The following CNTN6 variants were observed in gnomAD, a reference collection of about 807,000 sequenced individuals.
CNTN6 encodes the protein contactin-6.
Under a neutral mutation model 122.8 loss-of-function variants are expected in CNTN6, and 137 were observed. That is an observed-to-expected ratio of 1.12 (90% confidence interval 0.97 to 1.29). CNTN6 has a LOEUF of 1.29. CNTN6 is among the 50% of genes most tolerant of loss of function. CNTN6 has a pLI of 0.00. For missense variants in CNTN6, 1,634 were observed against 1,223.4 expected (o/e 1.34, Z -5.01); for synonymous variants, 570 against 426.0 (o/e 1.34, Z -4.16).
At chr3:1,275,917 T>C (rs1692268289) in intron 4 of CNTN6, among the ~76,000 whole-genome samples, 1 of 152,206 alleles carries the variant, frequency 6.6e-6, no homozygotes, top group South Asian at 2.1e-4. Context: ...GGATTGGAGA[T>C]CCCTGTTTTA....
At chr3:1,153,829 A>G (rs2092902433) in intron 2 of CNTN6, among the ~76,000 whole-genome samples, 1 of 152,194 alleles carries the variant, frequency 6.6e-6, no homozygotes, top group Non-Finnish European at 1.5e-5. Flanking sequence ...AAATCCATGA[A>G]AATTGGCAGG....
At chr3:1,386,357 C>G (rs957955668) in intron 20 of CNTN6, among the ~76,000 whole-genome samples, 4 of 152,162 alleles carry the variant, frequency 2.6e-5, no homozygotes, top group Non-Finnish European at 5.9e-5. Flanking sequence ...CTTATTACTA[C>G]AGCTTACTTG....
intron 11 of CNTN6, among the ~76,000 whole-genome samples, chr3:1,337,623 A>G (rs1393245485): frequency 6.6e-6 from 1 of 152,132 alleles, no homozygotes; most frequent in Admixed American, 6.6e-5. Flanking sequence ...CAGGCAAATG[A>G]ACCATATGTT....
chr3:1,160,351 T>C (rs1285554260), intron 2 of CNTN6, among the ~76,000 whole-genome samples: 1 of 93,792 alleles, frequency 1.1e-5, no homozygotes, highest in African/African-American at 5.4e-5. Context: ...ACTGTATATA[T>C]ATATATATAT....
chr3:1,104,269 A>G (rs544434066), intron 1 of CNTN6, among the ~76,000 whole-genome samples: 109 of 152,270 alleles, frequency 7.2e-4, no homozygotes, highest in Middle Eastern at 6.8e-3. Context: ...TTAGTAAAGT[A>G]AACTTGCATA....
At chr3:1,312,170 A>G (rs1344545528) in intron 7 of CNTN6, among the ~76,000 whole-genome samples, 2 of 151,908 alleles carry the variant, frequency 1.3e-5, no homozygotes, top group Admixed American at 6.6e-5. Flanking sequence ...GCCTCTTTTA[A>G]TCTTAAAGAC....
At chr3:1,244,428 A>G (rs1442389750) in intron 4 of CNTN6, among the ~76,000 whole-genome samples, 1 of 140,208 alleles carries the variant, frequency 7.1e-6, no homozygotes, top group Non-Finnish European at 1.5e-5. Flanking sequence ...GGTGAAGGAG[A>G]AGGGGTTGAG....
Position 1,161,423 on chromosome 3 carries a change from A to G in CNTN6, c.55+13360A>G, listed in dbSNP as rs535262392. Among the ~76,000 whole-genome samples, 482 of 151,142 alleles carry G rather than the reference A, an allele frequency of 3.2e-3. 1 individual carries two copies. The highest frequency in any genetic ancestry group is 4.3e-3 in the Non-Finnish European group (292 of 67,796). ...TAGCAAAAGCCTTCTATGAAAATCA[A>G]TTGACTTATGGAATTTGTAATTAAT... On this transcript the variant is annotated intron_variant, in intron 2 of 22. Transcript: ENST00000446702.
At chr3:1,344,295 C>T (rs1287183963) in intron 11 of CNTN6, among the ~76,000 whole-genome samples, 1 of 152,108 alleles carries the variant, frequency 6.6e-6, no homozygotes, top group Non-Finnish European at 1.5e-5. Context: ...AAGCCATAGT[C>T]ACATCATTGG....
intron 4 of CNTN6, among the ~76,000 whole-genome samples, chr3:1,274,326 A>G (rs1249397507): frequency 1.3e-5 from 2 of 152,314 alleles, no homozygotes; most frequent in African/African-American, 2.4e-5. Flanking sequence ...TGGCCAAAGA[A>G]GAAAGGAAGC....
chr3:1,225,206 G>A (rs896059497), intron 3 of CNTN6, among the ~76,000 whole-genome samples: 4 of 152,190 alleles, frequency 2.6e-5, no homozygotes, highest in Admixed American at 2.6e-4. Flanking sequence ...TTCCTAGGTT[G>A]CATCATAGGA....
chr3:1,112,601 G>T (rs1233520118), intron 1 of CNTN6, among the ~76,000 whole-genome samples: 1 of 152,124 alleles, frequency 6.6e-6, no homozygotes, highest in African/African-American at 2.4e-5. Context: ...TGATAGGATT[G>T]TGCCCACCCA....
chr3:1,367,670 C>T (rs1452507001), intron 12 of CNTN6, among the ~76,000 whole-genome samples: 3 of 152,026 alleles, frequency 2.0e-5, no homozygotes, highest in South Asian at 2.1e-4. Context: ...GCTTAAAGAC[C>T]CAGCAGTCGG....
chr3:1,220,456 G>T (rs1242018764), intron 2 of CNTN6, among the ~76,000 whole-genome samples: 2 of 152,092 alleles, frequency 1.3e-5, no homozygotes, highest in East Asian at 3.9e-4. Context: ...GGTTTTGGGG[G>T]TGTTATGCCC....
intron 2 of CNTN6, among the ~76,000 whole-genome samples, chr3:1,214,529 C>A (rs7640879): frequency 0.27 from 40,679 of 151,424 alleles, 7,403 homozygotes; most frequent in African/African-American, 0.52. Flanking sequence ...AGGCTGGTCT[C>A]AAACTCCTAA....
At chr3:1,109,907 A>G (rs2091401372) in intron 1 of CNTN6, among the ~76,000 whole-genome samples, 1 of 152,004 alleles carries the variant, frequency 6.6e-6, no homozygotes, top group South Asian at 2.1e-4. Flanking sequence ...GTCTTTAATT[A>G]TTTTTACATA....
intron 4 of CNTN6, among the ~76,000 whole-genome samples, chr3:1,266,445 T>G (rs1316353257): frequency 6.6e-6 from 1 of 152,146 alleles, no homozygotes; most frequent in Non-Finnish European, 1.5e-5. Context: ...AAATCTCTGG[T>G]AAACTCAGAG....
At chr3:1,399,692 G>A (rs9875177) in intron 20 of CNTN6, among the ~76,000 whole-genome samples, 82,613 of 151,780 alleles carry the variant, frequency 0.54, 23,285 homozygotes, top group African/African-American at 0.68. Flanking sequence ...TCACCACAGG[G>A]CCCTGAACAG....
In CNTN6 at chr3:1,352,339, G is replaced by A. The variant is rs1705769170; in HGVS notation, c.1380G>A (p.Glu460=). 1 of 1,528,884 alleles carries A rather than the reference G, an allele frequency of 6.5e-7. No homozygotes were observed. Among genetic ancestry groups the A allele is most frequent in the Admixed American group, 2.0e-5 (1 of 50,834 alleles). 94.7% of individuals were successfully genotyped at this position (1,528,884 alleles called of 1,614,324 possible). A position where few individuals can be genotyped will look rare whatever the true frequency, so the allele number is the denominator to read the frequency against. Residue 460 remains glutamate, a synonymous_variant, in exon 12 of 23, where the codon GAG becomes GAA. Coordinates refer to ENST00000446702, the MANE Select transcript of CNTN6 (RefSeq NM_001289080.2). ...LRQSKRIFLL[E]DGSLKIYNIT... ...TTCTTTTTAGAATATTTCTCTTGGA[G>A]GATGGCAGCCTCAAGATATATAATA... is the stretch of plus-strand genomic sequence containing the variant.
Sources: allele counts gnomAD v4.1 joint callset (sites outside exome capture counted in the v4.1 genomes callset), GRCh38; gene constraint gnomAD v4.1.1; transcripts MANE v1.5; gene names NCBI Gene and HGNC (gene_info 2026-07-23, HGNC 2026-07-21).